PCSK5: variants seen among roughly 807,000 people sequenced by gnomAD.
PCSK5 encodes the protein prohormone convertase 5.
In PCSK5, 129 loss-of-function variants were observed where a neutral mutation model predicts 233.2. The observed-to-expected ratio is 0.55, with a 90% CI of 0.48 to 0.64. PCSK5 has a LOEUF of 0.64. PCSK5 is among the 30% of genes least tolerant of loss of function. The pLI, the probability that PCSK5 is intolerant of heterozygous loss-of-function variation, is 0.00. For synonymous variants in PCSK5, 825 were observed against 879.2 expected (o/e 0.94, Z 1.09); for missense variants, 2,076 against 2,430.1 (o/e 0.85, Z 3.06).
intron 34 of PCSK5, among the ~76,000 whole-genome samples, chr9:76,336,184 C>T (rs765314662): frequency 6.6e-5 from 10 of 152,152 alleles, no homozygotes; most frequent in Non-Finnish European, 1.5e-4. Context: ...CTCAAGTTAC[C>T]ACAAGCTGGG....
At chr9:75,905,843 C>T (rs1194826897) in intron 1 of PCSK5, among the ~76,000 whole-genome samples, 1 of 152,148 alleles carries the variant, frequency 6.6e-6, no homozygotes, top group Non-Finnish European at 1.5e-5. Context: ...ATCCCAAAAC[C>T]ATTGCCCCCT....
At chr9:76,271,246 T>C (rs1281069980) in intron 24 of PCSK5, among the ~76,000 whole-genome samples, 1 of 152,176 alleles carries the variant, frequency 6.6e-6, no homozygotes, top group Non-Finnish European at 1.5e-5. Flanking sequence ...TCAGCTTTAT[T>C]CCTTATAAGG....
intron 5 of PCSK5, among the ~76,000 whole-genome samples, chr9:76,051,488 T>G (rs1176750494): frequency 6.6e-6 from 1 of 152,186 alleles, no homozygotes; most frequent in Non-Finnish European, 1.5e-5. Flanking sequence ...TACTTTGGTA[T>G]TTTCCAGGAA....
chr9:76,005,793 A>G (rs1827452427), intron 3 of PCSK5, among the ~76,000 whole-genome samples: 1 of 152,160 alleles, frequency 6.6e-6, no homozygotes, highest in Non-Finnish European at 1.5e-5. Context: ...TTACATTCTC[A>G]TCAACCATGT....
intron 20 of PCSK5, among the ~76,000 whole-genome samples, chr9:76,225,312 T>G (rs1825854728): frequency 6.6e-6 from 1 of 152,240 alleles, no homozygotes; most frequent in Non-Finnish European, 1.5e-5. Context: ...TGTTAAAAAA[T>G]ATATCCATAA....
chr9:76,210,867 T>C (rs1276345312), intron 20 of PCSK5, among the ~76,000 whole-genome samples: 1 of 152,110 alleles, frequency 6.6e-6, no homozygotes, highest in East Asian at 1.9e-4. Context: ...TGGAGAGCTG[T>C]TCAGGAGATA....
At position 76,019,243 on chromosome 9, in the gene PCSK5, C is replaced by T. The variant is rs150772583; in HGVS notation, c.412-4495C>T. Among the ~76,000 whole-genome samples the T allele has an allele frequency of 1.4e-3, 194 of 141,288 alleles. 1 individual carries two copies. The East Asian group carries it at 0.037, about 27-fold the overall frequency. The allele number at this position is 141,288 out of a possible 152,430, so 92.7% of individuals were successfully genotyped here. A position where few individuals can be genotyped will look rare whatever the true frequency, so the allele number is the denominator to read the frequency against. ...CTAGTAAACGGTAGTTATATTTTCA[C>T]TTAAGGAATATCAATTCTTTTTTTT... On this transcript the variant is annotated intron_variant, in intron 3 of 37. Coordinates refer to ENST00000674117, the MANE Select transcript of PCSK5 (RefSeq NM_001372043.1).
At chr9:76,357,277 T>C (rs1191921538) in intron 37 of PCSK5, among the ~76,000 whole-genome samples, 1 of 152,062 alleles carries the variant, frequency 6.6e-6, no homozygotes, top group Non-Finnish European at 1.5e-5. Flanking sequence ...CCCCAGAACT[T>C]TGGGAGGCCG....
At chr9:75,894,129 G>T (rs112346027) in intron 1 of PCSK5, among the ~76,000 whole-genome samples, 1 of 152,102 alleles carries the variant, frequency 6.6e-6, no homozygotes, top group Non-Finnish European at 1.5e-5. Flanking sequence ...CTCATCTTAC[G>T]TGTTGCAAAT....
chr9:75,946,776 G>T (rs1824592439), intron 2 of PCSK5, among the ~76,000 whole-genome samples: 1 of 152,074 alleles, frequency 6.6e-6, no homozygotes, highest in Non-Finnish European at 1.5e-5. Flanking sequence ...TTTTGGTAGA[G>T]GCTGGGTTTC....
intron 17 of PCSK5, 100 bp downstream of exon 17, chr9:76,184,857 A>G: frequency 1.5e-6 from 1 of 680,066 alleles, no homozygotes; most frequent in East Asian, 2.8e-5. Context: ...CAGCTCTCTT[A>G]TGATCTACCC....
intron 37 of PCSK5, among the ~76,000 whole-genome samples, chr9:76,357,694 T>G (rs967304582): frequency 6.6e-5 from 10 of 152,190 alleles, no homozygotes; most frequent in African/African-American, 2.4e-4. Context: ...GGAGCTAGGA[T>G]TCCTGGATTT....
intron 3 of PCSK5, among the ~76,000 whole-genome samples, chr9:75,987,191 T>G (rs1486676933): frequency 6.6e-6 from 1 of 152,114 alleles, no homozygotes; most frequent in Non-Finnish European, 1.5e-5. Context: ...TCCTTCTGCC[T>G]GGAATACGTT....
intron 30 of PCSK5, 114 bp from the exon 31 acceptor site, chr9:76,321,308 C>T: frequency 1.6e-6 from 1 of 639,624 alleles, no homozygotes; most frequent in Non-Finnish European, 2.8e-6. Flanking sequence ...GGATGCCTCT[C>T]AGCTGACGAC....
chr9:76,173,495 CCTTTTTTTTTTTTTTTTTTT>C lies in PCSK5; in HGVS notation c.1757-1490_1757-1471del, dbSNP rs1307185197. On this transcript the variant is annotated intron_variant, in intron 13 of 37. Coordinates refer to ENST00000674117, the MANE Select transcript of PCSK5 (RefSeq NM_001372043.1). ...ACTTTAATGAAATGGAGGCACGTTT[CCTTTTTTTTTTTTTTTTTTT>C]TTTTTTTTTTTTTTTTTACTTTTTG... Among the ~76,000 whole-genome samples the C allele has an allele frequency of 1.2e-4, 4 of 34,604 alleles. 1 individual carries two copies. Among genetic ancestry groups the C allele is most frequent in the East Asian group, 8.8e-4 (1 of 1,132 alleles). 22.7% of individuals were successfully genotyped at this position (34,604 alleles called of 152,430 possible).
At chr9:76,226,517 A>G (rs947642147) in intron 20 of PCSK5, among the ~76,000 whole-genome samples, 1 of 151,818 alleles carries the variant, frequency 6.6e-6, no homozygotes, top group Non-Finnish European at 1.5e-5. Flanking sequence ...CTGCTATCTC[A>G]CCCCACCAGC....
chr9:76,149,950 C>A lies in PCSK5; in HGVS notation c.1313-7095C>A, dbSNP rs966268214. 3.3e-5 allele frequency among the ~76,000 whole-genome samples: 5 copies of A among 152,270 alleles called. No individual in the cohort carries two copies. In the East Asian group the frequency reaches 9.6e-4, roughly 29 times the overall value. Reference sequence around the variant, plus strand: ...GGCCCTTGACAGAAAGCAGACATATCTCCTTCTTGTTTTAACTCTGCAAAT... The same window carrying A: ...GGCCCTTGACAGAAAGCAGACATATATCCTTCTTGTTTTAACTCTGCAAAT... On this transcript the variant is annotated intron_variant, in intron 10 of 37. Coordinates refer to ENST00000674117, the MANE Select transcript of PCSK5 (RefSeq NM_001372043.1).
In PCSK5 at chr9:75,932,489, A is replaced by C; in HGVS notation, c.297+6A>C. The stretch of plus-strand genomic sequence containing the variant: ...TCATTTCAATGGAACCAAAGGTAAG[A>C]AGAACCAGTTGCGTGGGGACCAAGA... On this transcript the variant is annotated splice_donor_region_variant and intron_variant, in intron 2 of 37. Transcript: ENST00000674117. 1 of 1,558,030 alleles carries C rather than the reference A, an allele frequency of 6.4e-7. No homozygotes were observed. Among genetic ancestry groups the C allele is most frequent in the Non-Finnish European group, 8.9e-7 (1 of 1,128,874 alleles).
At chr9:76,236,592 C>A (rs1826259539) in intron 22 of PCSK5, among the ~76,000 whole-genome samples, 1 of 152,134 alleles carries the variant, frequency 6.6e-6, no homozygotes, top group South Asian at 2.1e-4. Flanking sequence ...TCTGAGCTAT[C>A]CAAATTATCA....
Sources: allele counts gnomAD v4.1 joint callset (sites outside exome capture counted in the v4.1 genomes callset), GRCh38; gene constraint gnomAD v4.1.1; transcripts MANE v1.5; gene names NCBI Gene and HGNC (gene_info 2026-07-23, HGNC 2026-07-21).